Variants in IFT74 observed in about 807,000 individuals in gnomAD.
IFT74 encodes intraflagellar transport protein 74 homolog.
In IFT74, 92 loss-of-function variants were observed where a neutral mutation model predicts 96.7. That is an observed-to-expected ratio of 0.95 (90% CI 0.80 to 1.13). The LOEUF (loss-of-function observed/expected upper bound fraction) is 1.13. Ranked by LOEUF, IFT74 falls within the 50% of genes most tolerant of loss-of-function variation. The pLI, the probability that IFT74 is intolerant of heterozygous loss-of-function variation, is 0.00. For missense variants in IFT74, 811 were observed against 698.2 expected (o/e 1.16, Z -1.82); for synonymous variants, 223 against 213.2 (o/e 1.05, Z -0.40).
chr9:27,018,737 A>T, intron 12 of IFT74, 50 bp downstream of exon 12: 1 of 1,175,594 alleles, frequency 8.5e-7, no homozygotes, highest in African/African-American at 1.5e-5. Context: ...CACTTTAAAA[A>T]TTACATTCTA....
At chr9:26,995,465 A>G (rs1220600151) in intron 8 of IFT74, 3 of 1,009,116 alleles carry the variant, frequency 3.0e-6, no homozygotes, top group Admixed American at 2.8e-5. Flanking sequence ...CAAAATCTCC[A>G]TATCTAAACT....
intron 15 of IFT74, among the ~76,000 whole-genome samples, chr9:27,047,575 A>G (rs949607863): frequency 3.9e-5 from 6 of 152,342 alleles, no homozygotes; most frequent in African/African-American, 1.2e-4. Context: ...GCAATAGAGA[A>G]AAAGGATGAC....
chr9:27,049,404 C>G (rs1482118697), intron 16 of IFT74, among the ~76,000 whole-genome samples: 1 of 152,148 alleles, frequency 6.6e-6, no homozygotes, highest in African/African-American at 2.4e-5. Flanking sequence ...TGAGCTTTGT[C>G]TGGCAGGCAC....
intron 7 of IFT74, among the ~76,000 whole-genome samples, chr9:26,989,617 G>T (rs1006368685): frequency 6.6e-6 from 1 of 152,060 alleles, no homozygotes; most frequent in Non-Finnish European, 1.5e-5. Flanking sequence ...GAACACAAGA[G>T]AATTCACTAA....
intron 16 of IFT74, among the ~76,000 whole-genome samples, chr9:27,051,951 C>G (rs1222143956): frequency 6.6e-6 from 1 of 152,132 alleles, no homozygotes; most frequent in Non-Finnish European, 1.5e-5. Flanking sequence ...TTTCTCTTTT[C>G]TATAAACTAA....
At chr9:26,970,866 A>G (rs1434654577) in intron 2 of IFT74, among the ~76,000 whole-genome samples, 2 of 152,208 alleles carry the variant, frequency 1.3e-5, no homozygotes, top group African/African-American at 4.8e-5. Context: ...ATGGGGAGAC[A>G]TTTAATCCAG....
chr9:26,952,382 T>C (rs185832134), upstream of IFT74, among the ~76,000 whole-genome samples: 3 of 151,784 alleles, frequency 2.0e-5, no homozygotes, highest in East Asian at 5.9e-4. Context: ...GTTCAAGCAA[T>C]TCTCCTGCTT....
chr9:27,056,858 G>GGATGGATA (rs778203623), intron 18 of IFT74, among the ~76,000 whole-genome samples: 1 of 144,572 alleles, frequency 6.9e-6, no homozygotes, highest in Non-Finnish European at 1.5e-5. Context: ...TTTAGTCAAT[G>GGATGGATA]GATAGATAGA....
At chr9:27,009,283 A>G in intron 9 of IFT74, 125 bp downstream of exon 9, 1 of 769,946 alleles carries the variant, frequency 1.3e-6, no homozygotes, top group Non-Finnish European at 2.1e-6. Flanking sequence ...TTTTCATTTT[A>G]ACAAGGTCCC....
intron 8 of IFT74, chr9:26,993,351 C>G (rs1203756832): frequency 6.6e-6 from 1 of 152,130 alleles, no homozygotes; most frequent in Admixed American, 6.6e-5. Flanking sequence ...CTATAATCAT[C>G]TCATTCTTAT....
At chr9:27,045,942 ACTAC>A (rs1243280876) in intron 14 of IFT74, among the ~76,000 whole-genome samples, 1 of 152,196 alleles carries the variant, frequency 6.6e-6, no homozygotes, top group East Asian at 1.9e-4. Flanking sequence ...ATTACTAGAT[ACTAC>A]CTAGTGTGGT....
At chr9:27,049,261 C>G (rs913048982) in intron 16 of IFT74, among the ~76,000 whole-genome samples, 3 of 152,076 alleles carry the variant, frequency 2.0e-5, no homozygotes, top group African/African-American at 7.2e-5. Context: ...TATAGCAATG[C>G]AAATAGACTA....
At chr9:26,953,809 C>CA (rs1176928844), upstream of IFT74, among the ~76,000 whole-genome samples, 1 of 150,994 alleles carries the variant, frequency 6.6e-6, no homozygotes, top group African/African-American at 2.5e-5. Context: ...CACACCTGGC[C>CA]AAAAAATTTA....
At chr9:26,997,951 T>C (rs1252054520) in intron 8 of IFT74, 1 of 1,613,898 alleles carries the variant, frequency 6.2e-7, no homozygotes, top group East Asian at 2.2e-5. Flanking sequence ...GATATAACTG[T>C]TTTAGTTTAT....
Position 27,064,021 on chromosome 9 carries a change from T to G in IFT74, c.*1285T>G, listed in dbSNP as rs1820533282. On this transcript the variant is annotated 3_prime_UTR_variant, in exon 20 of 20. Transcript: ENST00000380062. Reference sequence around the variant, plus strand: ...AACGTTGTCTGAAACAAAGGTGAATTATTTTATTTTTTCTTGACTGCTCAT... The same window carrying G: ...AACGTTGTCTGAAACAAAGGTGAATGATTTTATTTTTTCTTGACTGCTCAT... 6.6e-6 allele frequency among the ~76,000 whole-genome samples: 1 copy of G among 152,144 alleles called. No homozygotes were observed.
At chr9:27,035,370 C>T (rs1487786751) in intron 13 of IFT74, among the ~76,000 whole-genome samples, 1 of 152,214 alleles carries the variant, frequency 6.6e-6, no homozygotes, top group Non-Finnish European at 1.5e-5. Flanking sequence ...CATATATCTG[C>T]TGAAGAAGAA....
At chr9:27,023,037 A>T (rs1829690921) in intron 12 of IFT74, among the ~76,000 whole-genome samples, 1 of 152,192 alleles carries the variant, frequency 6.6e-6, no homozygotes, top group African/African-American at 2.4e-5. Context: ...GAATTTATTT[A>T]TAAGATCTAG....
At position 27,063,579 on chromosome 9, in the gene IFT74, G is replaced by A. The variant is rs1357726164; in HGVS notation, c.*843G>A. Among the ~76,000 whole-genome samples, 1 of 152,032 alleles carries A rather than the reference G, an allele frequency of 6.6e-6. No homozygotes were observed. On this transcript the variant is annotated 3_prime_UTR_variant, in exon 20 of 20. Coordinates refer to ENST00000380062, the MANE Select transcript of IFT74 (RefSeq NM_025103.4). ...AACTGTAGATGTATCTTCTCTTATC[G>A]TGCAGGAATGAGTCACCTTGGCCAG...
intron 1 of IFT74, chr9:26,947,214 C>G: frequency 2.9e-6 from 2 of 694,760 alleles, no homozygotes; most frequent in Non-Finnish European, 4.5e-6. Flanking sequence ...AAGGGGCGCG[C>G]CGAGCGGGCC....
Sources: gnomAD v4.1 joint callset for allele counts (sites outside exome capture counted in the v4.1 genomes callset) on GRCh38, gnomAD v4.1.1 for gene constraint, MANE v1.5 for transcripts, NCBI Gene and HGNC (gene_info 2026-07-23, HGNC 2026-07-21) for gene names.